Variants in KDM4C observed in about 807,000 individuals in gnomAD.
KDM4C encodes the protein lysine demethylase 4C, also known as lysine-specific demethylase 4C.
In KDM4C, 81 loss-of-function variants were observed where a neutral mutation model predicts 129.3. The observed-to-expected ratio is 0.63, with a 90% CI of 0.52 to 0.75. The LOEUF (loss-of-function observed/expected upper bound fraction) is 0.75, where lower values mean the gene tolerates loss of function less well. Among genes scored for constraint, KDM4C ranks in the 30% least tolerant of loss-of-function variants. The pLI is 0.00. For missense variants in KDM4C, 1,457 were observed against 1,304.0 expected, an observed-to-expected ratio of 1.12 and a Z score of -1.81; for synonymous variants, 573 against 456.1, an observed-to-expected ratio of 1.26 and a Z score of -3.26.
intron 17 of KDM4C, among the ~76,000 whole-genome samples, chr9:7,053,814 C>G (rs1830526420): frequency 1.3e-5 from 2 of 152,044 alleles, no homozygotes; most frequent in South Asian, 2.1e-4. Context: ...GGTTGCTATC[C>G]AAAACTACCG....
upstream of KDM4C, among the ~76,000 whole-genome samples, chr9:6,753,055 G>A (rs1818127196): frequency 6.6e-6 from 1 of 152,152 alleles, no homozygotes; most frequent in African/African-American, 2.4e-5. Flanking sequence ...AAGCTCTGAT[G>A]TAACTACAAT....
chr9:7,028,540 C>T (rs968944755), intron 15 of KDM4C, among the ~76,000 whole-genome samples: 2 of 151,762 alleles, frequency 1.3e-5, no homozygotes, highest in Non-Finnish European at 2.9e-5. Flanking sequence ...AGCTCTGCTG[C>T]CTGAAATTGA....
intron 4 of KDM4C, among the ~76,000 whole-genome samples, chr9:6,845,566 C>T (rs1837712132): frequency 6.6e-6 from 1 of 152,138 alleles, no homozygotes; most frequent in Non-Finnish European, 1.5e-5. Flanking sequence ...AAGATACTAT[C>T]ACTGATTGAA....
At chr9:6,955,480 A>C (rs7852362) in intron 8 of KDM4C, among the ~76,000 whole-genome samples, 113,150 of 152,012 alleles carry the variant, frequency 0.74, 42,566 homozygotes, top group East Asian at 1. Context: ...AAGAGCAGAG[A>C]AGGATGCCTT....
chr9:6,835,968 G>A (rs1449542904), intron 4 of KDM4C, among the ~76,000 whole-genome samples: 1 of 152,118 alleles, frequency 6.6e-6, no homozygotes, highest in Non-Finnish European at 1.5e-5. Flanking sequence ...ATTAGGTAAT[G>A]CAAATTTTTT....
intron 4 of KDM4C, among the ~76,000 whole-genome samples, chr9:6,833,275 A>T (rs1212468164): frequency 7.2e-5 from 11 of 152,132 alleles, no homozygotes; most frequent in Non-Finnish European, 1.0e-4. Context: ...CATATCTGTG[A>T]GTATATCCTG....
chr9:6,724,949 G>T (rs1334746141), intron 1 of KDM4C, among the ~76,000 whole-genome samples: 5 of 152,116 alleles, frequency 3.3e-5, no homozygotes, highest in African/African-American at 1.2e-4. Context: ...TGAAATCAAG[G>T]TGTTGGCAGG....
At chr9:7,169,723 G>T in intron 20 of KDM4C, 75 bp from the exon 21 acceptor site, 1 of 1,132,770 alleles carries the variant, frequency 8.8e-7, no homozygotes, top group Non-Finnish European at 1.3e-6. Flanking sequence ...ATCTTTTCAT[G>T]TAGTTAATTG....
chr9:6,985,550 G>A (rs1185630490), intron 10 of KDM4C, among the ~76,000 whole-genome samples: 2 of 152,202 alleles, frequency 1.3e-5, no homozygotes, highest in Non-Finnish European at 2.9e-5. Flanking sequence ...AGGTTTCTTG[G>A]CAAAGGTGAT....
chr9:6,828,029 G>A (rs1834171298), intron 4 of KDM4C, among the ~76,000 whole-genome samples: 1 of 152,238 alleles, frequency 6.6e-6, no homozygotes, highest in African/African-American at 2.4e-5. Context: ...GCACAGCTGG[G>A]ATGGTGCAGG....
At chr9:7,023,494 T>G (rs1825245426) in intron 15 of KDM4C, among the ~76,000 whole-genome samples, 1 of 152,168 alleles carries the variant, frequency 6.6e-6, no homozygotes. Context: ...GTCTCCTTTT[T>G]CATCTCTGAT....
chr9:7,022,414 A>C (rs1426900930), intron 15 of KDM4C, among the ~76,000 whole-genome samples: 3 of 152,026 alleles, frequency 2.0e-5, no homozygotes, highest in Non-Finnish European at 2.9e-5. Flanking sequence ...CTTTGTAGCT[A>C]CTGTAAATGG....
chr9:6,906,913 T>C (rs1032444462), intron 8 of KDM4C, among the ~76,000 whole-genome samples: 3 of 152,250 alleles, frequency 2.0e-5, no homozygotes, highest in Non-Finnish European at 2.9e-5. Context: ...TTTATTTATA[T>C]GGGTGACGTA....
chr9:6,764,137 A>C (rs542540079), intron 1 of KDM4C, among the ~76,000 whole-genome samples: 16 of 152,318 alleles, frequency 1.1e-4, no homozygotes, highest in African/African-American at 3.8e-4. Flanking sequence ...TCAAGCTTTT[A>C]TTACATTTTA....
At chr9:6,822,723 A>G (rs1833239351) in intron 4 of KDM4C, among the ~76,000 whole-genome samples, 1 of 152,196 alleles carries the variant, frequency 6.6e-6, no homozygotes, top group South Asian at 2.1e-4. Context: ...GGGAAACAAA[A>G]CAAACACACA....
chr9:7,130,253 C>T (rs143746949), intron 19 of KDM4C, among the ~76,000 whole-genome samples: 9 of 152,316 alleles, frequency 5.9e-5, no homozygotes, highest in African/African-American at 1.7e-4. Flanking sequence ...CACAGTTAAA[C>T]AGGTAAAACA....
intron 1 of KDM4C, among the ~76,000 whole-genome samples, chr9:6,738,767 C>A (rs1238479633): frequency 6.7e-6 from 1 of 149,318 alleles, no homozygotes; most frequent in Admixed American, 6.7e-5. Context: ...CTTTTCTTTT[C>A]ATTTTTTTTT....
intron 1 of KDM4C, among the ~76,000 whole-genome samples, chr9:6,775,575 C>T (rs199997060): frequency 2.6e-5 from 4 of 151,186 alleles, no homozygotes; most frequent in Admixed American, 1.3e-4. Context: ...CAGGCTGGAG[C>T]GCAGTGGCAC....
intron 12 of KDM4C, among the ~76,000 whole-genome samples, chr9:6,997,479 A>G (rs986796858): frequency 3.3e-5 from 5 of 152,226 alleles, no homozygotes; most frequent in African/African-American, 9.6e-5. Context: ...AAGTTATTCT[A>G]AGAATTCCTA....
Sources: gnomAD v4.1 joint callset for allele counts (sites outside exome capture counted in the v4.1 genomes callset) on GRCh38, gnomAD v4.1.1 for gene constraint, MANE v1.5 for transcripts, NCBI Gene and HGNC (gene_info 2026-07-23, HGNC 2026-07-21) for gene names.